WDR11: variants seen among roughly 807,000 people sequenced by gnomAD.
WDR11 encodes the protein WD repeat domain 11.
In WDR11, 83 loss-of-function variants were observed where a neutral mutation model predicts 151.2. The observed-to-expected ratio is 0.55, with a 90% confidence interval of 0.46 to 0.66. The LOEUF is 0.66. Among genes scored for constraint, WDR11 ranks in the 30% least tolerant of loss-of-function variants. The probability of loss-of-function intolerance (pLI) is 0.00; values close to 1 mark genes in which losing one functional copy is unlikely to be tolerated. For missense variants in WDR11, 1,301 were observed against 1,480.9 expected (o/e 0.88, Z 1.99); for synonymous variants, 484 against 533.1 (o/e 0.91, Z 1.27).
intron 2 of WDR11, 64 bp from the exon 3 acceptor site, chr10:120,858,579 T>G: frequency 6.3e-7 from 1 of 1,594,974 alleles, no homozygotes; most frequent in Admixed American, 1.7e-5. Flanking sequence ...TGATGTTTTG[T>G]GAAAATTATG....
intron 4 of WDR11, among the ~76,000 whole-genome samples, chr10:120,860,739 G>A (rs10886788): frequency 0.37 from 55,614 of 152,058 alleles, 10,210 homozygotes; most frequent in Admixed American, 0.44. Context: ...GCCTAAGCAA[G>A]TTTTTTCTTG....
intron 1 of WDR11, chr10:120,851,868 T>A (rs1320214339): frequency 5.4e-6 from 2 of 372,064 alleles, no homozygotes; most frequent in African/African-American, 4.2e-5. Context: ...ATCCTGTCTT[T>A]TCTTTTTCGT....
intron 5 of WDR11, among the ~76,000 whole-genome samples, chr10:120,863,580 A>G (rs1378709272): frequency 6.6e-6 from 1 of 152,228 alleles, no homozygotes; most frequent in East Asian, 1.9e-4. Flanking sequence ...ATTACAACTG[A>G]ATAAAAGTTT....
chr10:120,900,733 T>C (rs1436339246), intron 20 of WDR11, among the ~76,000 whole-genome samples: 1 of 152,208 alleles, frequency 6.6e-6, no homozygotes, highest in East Asian at 1.9e-4. Flanking sequence ...TGTTAAGTTC[T>C]TCATTAAAAG....
chr10:120,871,438 G>A (rs548896721), intron 10 of WDR11, 92 bp downstream of exon 10: 252 of 1,370,978 alleles, frequency 1.8e-4, no homozygotes, highest in Non-Finnish European at 2.2e-4. Context: ...TCTTTTTGAG[G>A]ATGCTTTAAA....
At chr10:120,893,744 G>A (rs888063060) in intron 19 of WDR11, among the ~76,000 whole-genome samples, 26 of 152,044 alleles carry the variant, frequency 1.7e-4, no homozygotes, top group Admixed American at 9.2e-4. Flanking sequence ...GTGGTTTTGA[G>A]TTGCATTTCT....
intron 2 of WDR11, among the ~76,000 whole-genome samples, chr10:120,854,394 G>A (rs1365002604): frequency 1.3e-5 from 2 of 152,216 alleles, no homozygotes; most frequent in Non-Finnish European, 2.9e-5. Flanking sequence ...CTGTAAGGAT[G>A]TATCACATTT....
At chr10:120,890,245 T>G (rs192622641) in intron 18 of WDR11, among the ~76,000 whole-genome samples, 1 of 152,226 alleles carries the variant, frequency 6.6e-6, no homozygotes, top group Admixed American at 6.5e-5. Context: ...GGAGTTTCAC[T>G]CTTGTCGCCC....
chr10:120,888,761 CCTTTA>C (rs1320695944), intron 16 of WDR11, among the ~76,000 whole-genome samples: 1 of 152,046 alleles, frequency 6.6e-6, no homozygotes, highest in African/African-American at 2.4e-5. Flanking sequence ...GAAAACCTTC[CCTTTA>C]CTTCTCTGTT....
intron 5 of WDR11, 57 bp from the exon 6 acceptor site, chr10:120,864,987 CTTT>C: frequency 6.4e-7 from 1 of 1,567,704 alleles, no homozygotes; most frequent in African/African-American, 1.4e-5. Context: ...AAAATTAAAT[CTTT>C]TATTAGGTCT....
At chr10:120,894,150 T>A (rs1159626206) in intron 19 of WDR11, among the ~76,000 whole-genome samples, 2 of 152,062 alleles carry the variant, frequency 1.3e-5, no homozygotes, top group Admixed American at 1.3e-4. Context: ...TGGTTTTAGG[T>A]CTAACATGTA....
chr10:120,903,992 A>G (rs1357506592), intron 23 of WDR11, 55 bp from the exon 24 acceptor site: 1 of 1,232,978 alleles, frequency 8.1e-7, no homozygotes, highest in Non-Finnish European at 1.2e-6. Context: ...TAAAATTTAA[A>G]TAATTCCAAA....
chr10:120,862,105 G>C (rs887745184), intron 4 of WDR11, among the ~76,000 whole-genome samples: 42 of 150,740 alleles, frequency 2.8e-4, no homozygotes. Flanking sequence ...TATGGGATAT[G>C]TTAAAGTTTT....
At chr10:120,869,657 C>T (rs1846458393) in intron 9 of WDR11, among the ~76,000 whole-genome samples, 1 of 152,186 alleles carries the variant, frequency 6.6e-6, no homozygotes, top group African/African-American at 2.4e-5. Context: ...ATTTGCCCTA[C>T]ATTGTGAATT....
intron 26 of WDR11, 156 bp from the exon 27 acceptor site, chr10:120,905,720 T>C (rs1848012605): frequency 3.0e-6 from 4 of 1,337,700 alleles, no homozygotes; most frequent in Non-Finnish European, 3.1e-6. Flanking sequence ...CAGACCGTTA[T>C]CATTATTCAG....
chr10:120,876,481 G>C (rs1051851809), intron 11 of WDR11, among the ~76,000 whole-genome samples: 1 of 152,186 alleles, frequency 6.6e-6, no homozygotes, highest in East Asian at 1.9e-4. Flanking sequence ...GGCTTTTGAG[G>C]TGCAGTGACA....
chr10:120,880,470 G>A (rs1409919124), intron 12 of WDR11: 3 of 244,500 alleles, frequency 1.2e-5, no homozygotes, highest in Admixed American at 1.0e-4. Flanking sequence ...GACCAGCCTG[G>A]CCAACATGGT....
At position 120,862,852 on chromosome 10, in the gene WDR11, T is replaced by C. The variant is rs140904601; in HGVS notation, c.644T>C (p.Leu215Pro). Residue 215 changes from leucine (L) to proline (P), a missense_variant, in exon 5 of 29, where the codon CTG (leucine) becomes CCG (proline). Physicochemically the swap from Leu to Pro is moderately conservative, Grantham distance 98. Coordinates refer to ENST00000263461, the MANE Select transcript of WDR11 (RefSeq NM_018117.12). The part of the protein sequence containing the change: ...SPHSSPAHNK[L>P]ATATGAKKAL... ...CACTCTAGCCCAGCTCATAACAAGCTGGCCACAGCCACAGGTGCCAAGAAA... is the reference window on the plus strand; with the variant it reads ...CACTCTAGCCCAGCTCATAACAAGCCGGCCACAGCCACAGGTGCCAAGAAA... 255 of 1,614,034 alleles carry C rather than the reference T, an allele frequency of 1.6e-4. No individual in the cohort carries two copies. The highest frequency in any genetic ancestry group is 1.9e-4 in the Non-Finnish European group (230 of 1,180,018).
rs780739420 is a variant in WDR11, at chr10:120,851,436, G to A, written c.16G>A (p.Val6Met). The change falls in exon 1 of 29, where the codon GTG (valine) becomes ATG (methionine). Residue 6 changes from valine to methionine, a missense_variant. Val to Met is a conservative substitution (Grantham distance 21). Coordinates refer to ENST00000263461, the MANE Select transcript of WDR11 (RefSeq NM_018117.12). MLPYT[V>M]NFKVSARTLT... ...GGCCGCCGGGATGTTGCCCTACACA[G>A]TGAACTTCAAGGTGTCGGCGCGCAC... The A allele has an allele frequency of 3.7e-6, 6 of 1,611,864 alleles. No homozygotes were observed. The highest frequency in any genetic ancestry group is 5.1e-6 in the Non-Finnish European group (6 of 1,179,620).
Sources: allele counts gnomAD v4.1 joint callset (sites outside exome capture counted in the v4.1 genomes callset), GRCh38; gene constraint gnomAD v4.1.1; transcripts MANE v1.5; gene names NCBI Gene and HGNC (gene_info 2026-07-23, HGNC 2026-07-21).